SYNE2: variants seen among roughly 807,000 people sequenced by gnomAD.
SYNE2 encodes spectrin repeat containing nuclear envelope protein 2.
Under a neutral mutation model 856.3 loss-of-function variants are expected in SYNE2, and 431 were observed. The ratio of observed to expected loss-of-function variants is 0.50; its 90% CI spans 0.47 to 0.55. SYNE2 has a LOEUF of 0.55. Ranked by LOEUF, SYNE2 falls within the 20% of genes least tolerant of loss-of-function variation. The probability of loss-of-function intolerance (pLI) is 0.00; values close to 1 mark genes in which losing one functional copy is unlikely to be tolerated. For synonymous variants in SYNE2, 2,923 were observed against 2,872.3 expected (o/e 1.02, Z -0.56); for missense variants, 8,129 against 8,023.2 (o/e 1.01, Z -0.50).
At chr14:63,807,768 C>T (rs1366055217) in intron 1 of SYNE2, among the ~76,000 whole-genome samples, 1 of 127,852 alleles carries the variant, frequency 7.8e-6, no homozygotes, top group Non-Finnish European at 1.6e-5. Flanking sequence ...GATCCACCAG[C>T]CTCAGCCTTC....
At position 63,940,648 on chromosome 14, in the gene SYNE2, G is replaced by A. The variant is rs369020126; in HGVS notation, c.114G>A (p.Thr38=). 17 of 1,614,000 alleles carry A rather than the reference G, an allele frequency of 1.1e-5. No homozygotes were observed. The highest frequency in any genetic ancestry group is 1.4e-5 in the Non-Finnish European group (16 of 1,180,006). Residue 38 remains threonine, a synonymous_variant, in exon 3 of 116, where the codon ACG becomes ACA. Transcript: ENST00000555002. ...EQEDTQKKAF[T]CWINSQLARH... The stretch of plus-strand genomic sequence containing the variant: ...AAGACACCCAGAAGAAAGCCTTCAC[G>A]TGCTGGATAAACTCACAGTTGGCCA...
intron 2 of SYNE2, among the ~76,000 whole-genome samples, chr14:63,921,700 A>G (rs1250432169): frequency 2.6e-5 from 4 of 152,160 alleles, no homozygotes; most frequent in Non-Finnish European, 5.9e-5. Flanking sequence ...CCCGAAATAT[A>G]TAAGTGGCCT....
chr14:63,818,432 C>A (rs982851126), intron 1 of SYNE2, among the ~76,000 whole-genome samples: 1 of 151,350 alleles, frequency 6.6e-6, no homozygotes, highest in African/African-American at 2.4e-5. Flanking sequence ...GTGGGAGGAT[C>A]CTTTGAGGCC....
At chr14:63,840,490 TTCCC>T (rs1421079788) in intron 1 of SYNE2, among the ~76,000 whole-genome samples, 4 of 140,332 alleles carry the variant, frequency 2.9e-5, no homozygotes, top group Non-Finnish European at 4.6e-5. Flanking sequence ...CCTCCCTCCC[TTCCC>T]TCCTCCTTCC....
At chr14:63,798,252 G>A (rs1887998181) in intron 1 of SYNE2, among the ~76,000 whole-genome samples, 1 of 152,020 alleles carries the variant, frequency 6.6e-6, no homozygotes, top group Non-Finnish European at 1.5e-5. Flanking sequence ...GTCTCACTAT[G>A]TTGCCCAGGA....
intron 73 of SYNE2, among the ~76,000 whole-genome samples, chr14:64,127,893 A>G (rs548654558): frequency 6.6e-6 from 1 of 152,292 alleles, no homozygotes; most frequent in East Asian, 1.9e-4. Context: ...TACTGAACAA[A>G]TGACCCATTT....
intron 1 of SYNE2, among the ~76,000 whole-genome samples, chr14:63,830,729 T>C (rs967204483): frequency 5.3e-5 from 8 of 152,060 alleles, no homozygotes; most frequent in Admixed American, 3.9e-4. Context: ...CGAATACTTA[T>C]TAATAACAGT....
At chr14:64,062,917 CAGTA>C (rs1184781367) in intron 50 of SYNE2, 22 bp downstream of exon 50, 4 of 1,613,978 alleles carry the variant, frequency 2.5e-6, no homozygotes, top group Non-Finnish European at 3.4e-6. Context: ...GGCAATTAGC[CAGTA>C]AGTCTGTGTG....
chr14:64,005,106 G>T (rs1254102307), intron 30 of SYNE2, among the ~76,000 whole-genome samples: 1 of 152,180 alleles, frequency 6.6e-6, no homozygotes, highest in Non-Finnish European at 1.5e-5. Flanking sequence ...CAGCAGTGAG[G>T]GGGAGATGTA....
At chr14:63,867,680 A>G (rs1895761640) in intron 1 of SYNE2, among the ~76,000 whole-genome samples, 1 of 152,138 alleles carries the variant, frequency 6.6e-6, no homozygotes, top group African/African-American at 2.4e-5. Flanking sequence ...CCTGGATGAC[A>G]GAGCGAGACT....
intron 1 of SYNE2, among the ~76,000 whole-genome samples, chr14:63,793,359 G>A (rs1887800820): frequency 6.6e-6 from 1 of 152,212 alleles, no homozygotes. Context: ...TTACCTGTGT[G>A]TCAGGCAATC....
intron 1 of SYNE2, among the ~76,000 whole-genome samples, chr14:63,829,288 G>A (rs985606798): frequency 3.9e-5 from 6 of 151,984 alleles, no homozygotes; most frequent in Admixed American, 6.6e-5. Context: ...GTTGTGGCAC[G>A]CACCTGTGGT....
At chr14:64,042,458 T>C (rs2097156089) in intron 45 of SYNE2, among the ~76,000 whole-genome samples, 1 of 152,220 alleles carries the variant, frequency 6.6e-6, no homozygotes, top group Non-Finnish European at 1.5e-5. Flanking sequence ...GTTATTGATA[T>C]GGTTTGGCTG....
chr14:63,976,558 TTCAG>T lies in SYNE2; in HGVS notation c.1129-4_1129-1del. 6.3e-7 allele frequency: 1 copy of T among 1,575,238 alleles called. No homozygotes were observed. Among genetic ancestry groups the T allele is most frequent in the Admixed American group, 1.9e-5 (1 of 53,470 alleles). ...ATATGTTCTTTTTTTTTTTTTTTTTTTCAGATTAATGCATGGAAAATAAAGCTAA... is the reference window on the plus strand; with the variant it reads ...ATATGTTCTTTTTTTTTTTTTTTTTTATTAATGCATGGAAAATAAAGCTAA... On this transcript the variant is annotated splice_acceptor_variant and splice_polypyrimidine_tract_variant and intron_variant, in intron 11 of 115. Coordinates refer to ENST00000555002, the MANE Select transcript of SYNE2 (RefSeq NM_182914.3). LOFTEE classifies it high-confidence loss of function.
chr14:64,189,407 T>C (rs1184487230), intron 98 of SYNE2, among the ~76,000 whole-genome samples: 3 of 151,812 alleles, frequency 2.0e-5, no homozygotes, highest in Non-Finnish European at 2.9e-5. Context: ...TTTGAAATGA[T>C]CAGTGGTCTC....
At chr14:64,155,550 GTACA>G (rs1425702557) in intron 85 of SYNE2, among the ~76,000 whole-genome samples, 1 of 151,438 alleles carries the variant, frequency 6.6e-6, no homozygotes, top group African/African-American at 2.4e-5. Flanking sequence ...GAATCGTATG[GTACA>G]TGAATTATAT....
chr14:64,015,931 TTGAC>T (rs1296570715), intron 32 of SYNE2, among the ~76,000 whole-genome samples: 1 of 152,140 alleles, frequency 6.6e-6, no homozygotes, highest in African/African-American at 2.4e-5. Context: ...GACTTCCTCT[TTGAC>T]TGGTATTTAG....
chr14:63,944,322 A>T (rs1418911561), intron 6 of SYNE2, among the ~76,000 whole-genome samples: 3 of 148,268 alleles, frequency 2.0e-5, no homozygotes, highest in Non-Finnish European at 3.0e-5. Flanking sequence ...AAATAAATGG[A>T]GGCATGATGT....
intron 84 of SYNE2, among the ~76,000 whole-genome samples, chr14:64,148,190 C>T (rs1595841395): frequency 6.6e-6 from 1 of 152,062 alleles, no homozygotes; most frequent in East Asian, 1.9e-4. Context: ...TGGTGCATGC[C>T]TGTAGTCCCA....
Sources: allele counts gnomAD v4.1 joint callset (sites outside exome capture counted in the v4.1 genomes callset), GRCh38; gene constraint gnomAD v4.1.1; transcripts MANE v1.5; gene names NCBI Gene and HGNC (gene_info 2026-07-23, HGNC 2026-07-21).